SLC19A3: variants seen among roughly 807,000 people sequenced by gnomAD.
SLC19A3 encodes the protein solute carrier family 19 member 3.
Under a neutral mutation model 40.2 loss-of-function variants are expected in SLC19A3, and 31 were observed. That is an observed-to-expected ratio of 0.77 (90% CI 0.58 to 1.04). SLC19A3 has a LOEUF of 1.04. SLC19A3 is among the 50% of genes least tolerant of loss of function. The pLI, the probability that SLC19A3 is intolerant of heterozygous loss-of-function variation, is 0.00. For synonymous variants in SLC19A3, 212 were observed against 227.5 expected (o/e 0.93, Z 0.61); for missense variants, 592 against 596.7 (o/e 0.99, Z 0.08).
intron 4 of SLC19A3, among the ~76,000 whole-genome samples, chr2:227,692,465 A>T (rs552653999): frequency 5.3e-5 from 8 of 152,260 alleles, no homozygotes; most frequent in Non-Finnish European, 1.0e-4. Context: ...TGATCATTCA[A>T]TTGATGCTAA....
At position 227,698,868 on chromosome 2, in the gene SLC19A3, G is replaced by C. The variant is rs1461065680; in HGVS notation, c.847C>G (p.Leu283Val). The C allele has an allele frequency of 6.2e-7, 1 of 1,614,042 alleles. No homozygotes were observed. Among genetic ancestry groups the C allele is most frequent in the Non-Finnish European group, 8.5e-7 (1 of 1,180,022 alleles). The change falls in exon 3 of 6, where the codon CTA becomes GTA. Residue 283 changes from leucine to valine, a missense_variant. Leu to Val is a conservative substitution (Grantham distance 32). Transcript: ENST00000644224. Reference sequence around the variant, plus strand: ...CCTGCTGTGGCGAAAGCCCACCATAGAGACCAGTAGAAAAGACGTTTTGAG... The same window carrying C: ...CCTGCTGTGGCGAAAGCCCACCATACAGACCAGTAGAAAAGACGTTTTGAG... ...YSSKRLFYWS[L>V]WWAFATAGFN...
intron 4 of SLC19A3, among the ~76,000 whole-genome samples, chr2:227,690,947 C>T (rs925133416): frequency 2.6e-5 from 4 of 152,076 alleles, no homozygotes; most frequent in African/African-American, 9.7e-5. Context: ...CAGAACTTTT[C>T]ATCCAATGGC....
intron 4 of SLC19A3, among the ~76,000 whole-genome samples, chr2:227,690,426 G>A (rs114467862): frequency 1.0e-3 from 159 of 152,028 alleles, no homozygotes; most frequent in African/African-American, 3.7e-3. Context: ...TTGTAAATAC[G>A]GCCAGGCGCG....
intron 4 of SLC19A3, chr2:227,695,636 G>A (rs984782718): frequency 4.1e-6 from 2 of 482,554 alleles, no homozygotes; most frequent in African/African-American, 3.9e-5. Context: ...AGAAAAACCT[G>A]ACAATGTATC....
rs1695026660 is a variant in SLC19A3, at chr2:227,686,605, C to T, written c.*792G>A. 2 of 152,380 alleles carry T rather than the reference C, an allele frequency of 1.3e-5. No individual in the cohort carries two copies. The highest frequency in any genetic ancestry group is 6.6e-5 in the Admixed American group (1 of 15,264). 9.4% of individuals were successfully genotyped at this position (152,380 alleles called of 1,614,324 possible). ...AATTGCTCGGATTACAGGAGTGAGC[C>T]ACTGCACCTGGCCCATAGATGCATT... On this transcript the variant is annotated 3_prime_UTR_variant, in exon 6 of 6. Coordinates refer to ENST00000644224, the MANE Select transcript of SLC19A3 (RefSeq NM_025243.4).
At chr2:227,715,845 G>A (rs1696316968) in intron 1 of SLC19A3, among the ~76,000 whole-genome samples, 1 of 151,292 alleles carries the variant, frequency 6.6e-6, no homozygotes, top group African/African-American at 2.4e-5. Flanking sequence ...AGGTAGTTGG[G>A]AGACTGAAGT....
chr2:227,695,538 G>A, intron 4 of SLC19A3: 1 of 269,482 alleles, frequency 3.7e-6, no homozygotes, highest in Non-Finnish European at 7.3e-6. Flanking sequence ...GGAAGTCAAG[G>A]CTGCATTGAG....
At chr2:227,700,882 C>T (rs1171688573) in intron 2 of SLC19A3, 19 of 1,282,012 alleles carry the variant, frequency 1.5e-5, no homozygotes, top group Middle Eastern at 2.6e-4. Context: ...GGGTGAGTGC[C>T]GCAGCCTCTC....
chr2:227,699,623 G>T (rs1172418669), intron 2 of SLC19A3, 59 bp from the exon 3 acceptor site: 3 of 1,416,172 alleles, frequency 2.1e-6, no homozygotes, highest in East Asian at 4.6e-5. Context: ...AGGTACCTGT[G>T]GTTTGTATCT....
At chr2:227,696,599 T>C (rs1280067337) in intron 3 of SLC19A3, among the ~76,000 whole-genome samples, 1 of 152,232 alleles carries the variant, frequency 6.6e-6, no homozygotes, top group Non-Finnish European at 1.5e-5. Flanking sequence ...TATGAACCTT[T>C]AGTAATCTTA....
At position 227,717,039 on chromosome 2, in the gene SLC19A3, G is replaced by A. The variant is rs142794550; in HGVS notation, c.-3+904C>T. Among the ~76,000 whole-genome samples the A allele has an allele frequency of 9.5e-4, 126 of 132,688 alleles. 1 individual carries two copies. The Middle Eastern group carries it at 0.012, about 13-fold the overall frequency. 87.0% of individuals were successfully genotyped at this position (132,688 alleles called of 152,430 possible). On this transcript the variant is annotated intron_variant, in intron 1 of 5. Transcript: ENST00000644224. ...TTTTTTTGAGGCAGAATCTTGCTGG[G>A]TCGCCCAGGCTGGAGTGCAGTGGTG...
At chr2:227,716,985 T>C (rs1204618369) in intron 1 of SLC19A3, among the ~76,000 whole-genome samples, 1 of 139,272 alleles carries the variant, frequency 7.2e-6, no homozygotes, top group Non-Finnish European at 1.5e-5. Context: ...GCAAAACACA[T>C]GAGAGTGCTT....
chr2:227,709,988 C>T (rs1176653146), intron 1 of SLC19A3, among the ~76,000 whole-genome samples: 1 of 152,110 alleles, frequency 6.6e-6, no homozygotes, highest in Admixed American at 6.6e-5. Context: ...CATCTCAGAT[C>T]ATCAGGCATT....
chr2:227,718,023 G>C lies in SLC19A3; in HGVS notation c.-83C>G. ...CCGCGGCTGTCGGATGGATCCAGGC[G>C]CTCTTGGTGGGAAGGGGGCGGAGCC... On this transcript the variant is annotated 5_prime_UTR_variant, in exon 1 of 6. Coordinates refer to ENST00000644224, the MANE Select transcript of SLC19A3 (RefSeq NM_025243.4). 2.0e-6 allele frequency: 2 copies of C among 985,158 alleles called. No individual in the cohort carries two copies. The highest frequency in any genetic ancestry group is 2.4e-6 in the Non-Finnish European group (2 of 829,694). 61.0% of individuals were successfully genotyped at this position (985,158 alleles called of 1,614,324 possible). A position where few individuals can be genotyped will look rare whatever the true frequency, so the allele number is the denominator to read the frequency against.
intron 4 of SLC19A3, 135 bp downstream of exon 4, chr2:227,695,754 G>T: frequency 1.2e-6 from 1 of 856,220 alleles, no homozygotes; most frequent in Non-Finnish European, 1.9e-6. Context: ...GCTTAGTTGT[G>T]TCTAATTTAA....
In SLC19A3 at chr2:227,687,717, T is replaced by A. The variant is rs552514891; in HGVS notation, c.1315-144A>T. 2.4e-5 allele frequency: 18 copies of A among 755,890 alleles called. 1 individual carries two copies. The highest frequency in any genetic ancestry group is 1.1e-4 in the Admixed American group (5 of 43,896). 46.8% of individuals were successfully genotyped at this position (755,890 alleles called of 1,614,324 possible). On this transcript the variant is annotated intron_variant, in intron 5 of 5. Coordinates refer to ENST00000644224, the MANE Select transcript of SLC19A3 (RefSeq NM_025243.4). ...ATGGGTCATTTAGGTTGAACAATAC[T>A]CTCCTATCAAGTAAGAAATCAAGAT... is the stretch of plus-strand genomic sequence containing the variant.
rs1243316128 is a variant in SLC19A3, at chr2:227,688,240, C to G, written c.1240G>C (p.Ala414Pro). ...ALVFGINTFI[A>P]LVIQTIMTVI... ...GTCATGATGGTCTGAATCACCAAGG[C>G]AATAAAGGTGTTGATTCCAAATACC... is the stretch of plus-strand genomic sequence containing the variant. Residue 414 changes from alanine (A) to proline (P), a missense_variant, in exon 5 of 6, where the codon GCC (alanine) becomes CCC (proline). By Grantham distance (27) the Ala-to-Pro change is conservative (BLOSUM62 -1). Coordinates refer to ENST00000644224, the MANE Select transcript of SLC19A3 (RefSeq NM_025243.4). The G allele has an allele frequency of 6.2e-7, 1 of 1,613,970 alleles. No individual in the cohort carries two copies. Among genetic ancestry groups the G allele is most frequent in the Non-Finnish European group, 8.5e-7 (1 of 1,179,918 alleles).
chr2:227,696,019 C>T lies in SLC19A3; in HGVS notation c.1042G>A (p.Ala348Thr). The change falls in exon 4 of 6, where the codon GCT becomes ACT. Residue 348 changes from alanine (A) to threonine (T), a missense_variant. Coordinates refer to ENST00000644224, the MANE Select transcript of SLC19A3 (RefSeq NM_025243.4). Reference sequence around the variant, plus strand: ...TTGACAACTGAGAAGACCACCAGAGCCAGCTCTCCCAGAAGGTCCCAGTTG... The same window carrying T: ...TTGACAACTGAGAAGACCACCAGAGTCAGCTCTCCCAGAAGGTCCCAGTTG... ...KVNWDLLGEL[A>T]LVVFSVVNAG... 6.2e-7 allele frequency: 1 copy of T among 1,614,180 alleles called. No homozygotes were observed. Among genetic ancestry groups the T allele is most frequent in the Non-Finnish European group, 8.5e-7 (1 of 1,180,046 alleles).
chr2:227,691,331 G>A (rs1386670703), intron 4 of SLC19A3, among the ~76,000 whole-genome samples: 1 of 152,190 alleles, frequency 6.6e-6, no homozygotes, highest in African/African-American at 2.4e-5. Context: ...GAGAGGCCGG[G>A]TGTGGTGGCC....
Sources: allele counts gnomAD v4.1 joint callset (sites outside exome capture counted in the v4.1 genomes callset), GRCh38; gene constraint gnomAD v4.1.1; transcripts MANE v1.5; gene names NCBI Gene and HGNC (gene_info 2026-07-23, HGNC 2026-07-21).